Variants in VEGFC observed in about 807,000 individuals in gnomAD.
The protein encoded by VEGFC is FLT4 ligand DHM.
A neutral mutation model predicts 46.1 loss-of-function variants in VEGFC; 12 were observed. The ratio of observed to expected loss-of-function variants is 0.26; its 90% CI spans 0.17 to 0.42. The LOEUF is 0.42. Ranked by LOEUF, VEGFC falls within the 10% of genes least tolerant of loss-of-function variation. The pLI is 1.00. For synonymous variants in VEGFC, 232 were observed against 195.5 expected (o/e 1.19, Z -1.56); for missense variants, 488 against 529.4 (o/e 0.92, Z 0.77).
Position 176,780,041 on chromosome 4 carries a change from G to A in VEGFC, c.147+12124C>T, listed in dbSNP as rs138019133. Among the ~76,000 whole-genome samples, 825 of 152,220 alleles carry A rather than the reference G, an allele frequency of 5.4e-3. 6 individuals are homozygous for A. Among genetic ancestry groups the A allele is most frequent in the African/African-American group, 0.019 (789 of 41,538 alleles). ...TAACTGGAACTTGTTGCAGTTCTTAGTAATGGCAACTGATTGCTTGGCATT... is the reference window on the plus strand; with the variant it reads ...TAACTGGAACTTGTTGCAGTTCTTAATAATGGCAACTGATTGCTTGGCATT... On this transcript the variant is annotated intron_variant, in intron 1 of 6. Transcript: ENST00000618562.
intron 4 of VEGFC, among the ~76,000 whole-genome samples, chr4:176,693,967 C>A (rs879187152): frequency 6.6e-6 from 1 of 151,474 alleles, no homozygotes; most frequent in Non-Finnish European, 1.5e-5. Context: ...CCTAAAAGAG[C>A]TCCTGAAGGA....
intron 1 of VEGFC, among the ~76,000 whole-genome samples, chr4:176,750,641 C>A (rs1257442757): frequency 6.6e-6 from 1 of 151,712 alleles, no homozygotes; most frequent in African/African-American, 2.4e-5. Context: ...TAGAAAAGAT[C>A]TAACATAAAT....
At chr4:176,706,827 G>C (rs1410981787) in intron 4 of VEGFC, among the ~76,000 whole-genome samples, 1 of 151,982 alleles carries the variant, frequency 6.6e-6, no homozygotes, top group Non-Finnish European at 1.5e-5. Context: ...ATTAACTACT[G>C]TCACAATCAA....
At chr4:176,758,993 G>A (rs1260343832) in intron 1 of VEGFC, among the ~76,000 whole-genome samples, 10 of 152,234 alleles carry the variant, frequency 6.6e-5, no homozygotes, top group Non-Finnish European at 1.5e-4. Flanking sequence ...TCATCTAAAA[G>A]TTCATTGTTA....
At chr4:176,785,587 G>T (rs948100609) in intron 1 of VEGFC, among the ~76,000 whole-genome samples, 1 of 151,962 alleles carries the variant, frequency 6.6e-6, no homozygotes, top group Non-Finnish European at 1.5e-5. Flanking sequence ...ATTTTTAGCA[G>T]ATTTTAAAAA....
chr4:176,766,681 A>C (rs530054445), intron 1 of VEGFC, among the ~76,000 whole-genome samples: 1 of 152,286 alleles, frequency 6.6e-6, no homozygotes, highest in East Asian at 1.9e-4. Context: ...TACAATCGTA[A>C]AACAGAGTCC....
intron 1 of VEGFC, among the ~76,000 whole-genome samples, chr4:176,754,029 T>C (rs1735392201): frequency 6.6e-6 from 1 of 152,114 alleles, no homozygotes; most frequent in Non-Finnish European, 1.5e-5. Context: ...ACTGTAACCA[T>C]ATTCCAGATG....
At chr4:176,694,391 A>T (rs899722205) in intron 4 of VEGFC, among the ~76,000 whole-genome samples, 9 of 152,232 alleles carry the variant, frequency 5.9e-5, no homozygotes, top group Non-Finnish European at 1.3e-4. Context: ...AAAGGCCATT[A>T]CATAATCGTA....
chr4:176,703,329 T>C (rs1047200865), intron 4 of VEGFC, among the ~76,000 whole-genome samples: 2 of 152,200 alleles, frequency 1.3e-5, no homozygotes, highest in East Asian at 3.9e-4. Context: ...TGCATCAACA[T>C]GGAGGGAACT....
chr4:176,738,047 CAG>C (rs1281166188), intron 1 of VEGFC, among the ~76,000 whole-genome samples: 1 of 151,820 alleles, frequency 6.6e-6, no homozygotes, highest in East Asian at 1.9e-4. Flanking sequence ...ATAAAAAATT[CAG>C]AGAGGACACA....
intron 4 of VEGFC, among the ~76,000 whole-genome samples, chr4:176,700,167 A>G (rs1347408637): frequency 6.6e-6 from 1 of 152,254 alleles, no homozygotes; most frequent in Non-Finnish European, 1.5e-5. Flanking sequence ...CTGTAATCCC[A>G]GCATTTTGGG....
chr4:176,689,013 T>G (rs1734098852), intron 4 of VEGFC, among the ~76,000 whole-genome samples: 1 of 152,230 alleles, frequency 6.6e-6, no homozygotes, highest in Non-Finnish European at 1.5e-5. Flanking sequence ...CTAGTTAATA[T>G]TTACCCAGTA....
intron 4 of VEGFC, among the ~76,000 whole-genome samples, chr4:176,688,613 C>T (rs1734090733): frequency 1.4e-5 from 2 of 143,770 alleles, no homozygotes; most frequent in African/African-American, 5.0e-5. Flanking sequence ...TTTCTTCCTT[C>T]CCTTCCCCTC....
At chr4:176,780,387 A>AAAAAACAAAAC in intron 1 of VEGFC, among the ~76,000 whole-genome samples, 1 of 114,782 alleles carries the variant, frequency 8.7e-6, no homozygotes, top group African/African-American at 3.2e-5. Context: ...ATCTCAAAAA[A>AAAAAACAAAAC]AAAAAAAAAA....
intron 4 of VEGFC, among the ~76,000 whole-genome samples, chr4:176,698,223 G>A (rs1734359889): frequency 6.6e-6 from 1 of 151,446 alleles, no homozygotes; most frequent in South Asian, 2.1e-4. Context: ...TGCTATTTTT[G>A]TGATTCTCAT....
At chr4:176,734,373 A>C (rs1735020963) in intron 1 of VEGFC, among the ~76,000 whole-genome samples, 1 of 151,848 alleles carries the variant, frequency 6.6e-6, no homozygotes, top group Non-Finnish European at 1.5e-5. Flanking sequence ...AATTTGAAGC[A>C]TATTTAGCAG....
intron 4 of VEGFC, among the ~76,000 whole-genome samples, chr4:176,691,173 G>A (rs1262799769): frequency 6.6e-6 from 1 of 152,176 alleles, no homozygotes; most frequent in Non-Finnish European, 1.5e-5. Context: ...AGAATGAAAG[G>A]AAATGTGGTC....
At chr4:176,761,722 G>A (rs1436543686) in intron 1 of VEGFC, among the ~76,000 whole-genome samples, 1 of 152,104 alleles carries the variant, frequency 6.6e-6, no homozygotes, top group East Asian at 1.9e-4. Flanking sequence ...TGTAACCTTG[G>A]AAAAATAAAC....
chr4:176,690,840 C>T (rs1469693137), intron 4 of VEGFC, among the ~76,000 whole-genome samples: 3 of 152,104 alleles, frequency 2.0e-5, no homozygotes. Context: ...CATCGAGTGG[C>T]CATTATAACG....
Sources: gnomAD v4.1 joint callset for allele counts (sites outside exome capture counted in the v4.1 genomes callset) on GRCh38, gnomAD v4.1.1 for gene constraint, MANE v1.5 for transcripts, NCBI Gene and HGNC (gene_info 2026-07-23, HGNC 2026-07-21) for gene names.